Variants in ARL5C observed in about 807,000 individuals in gnomAD.
The protein encoded by ARL5C is ARF like GTPase 5C.
In ARL5C, 21 loss-of-function variants were observed where a neutral mutation model predicts 20.8. The ratio of observed to expected loss-of-function variants is 1.01; its 90% CI spans 0.72 to 1.46. The LOEUF is 1.46. ARL5C is among the 40% of genes most tolerant of loss of function. ARL5C has a pLI of 0.00. For missense variants in ARL5C, 199 were observed against 225.1 expected (o/e 0.88, Z 0.74); for synonymous variants, 71 against 81.6 (o/e 0.87, Z 0.70).
chr17:39,159,019 C>CTTTTTTTTTTTT (rs1395516312), intron 5 of ARL5C, among the ~76,000 whole-genome samples: 2 of 63,960 alleles, frequency 3.1e-5, no homozygotes, highest in African/African-American at 5.6e-5. Flanking sequence ...TCATTTATCA[C>CTTTTTTTTTTTT]TTGTTTTTTT....
intron 3 of ARL5C, among the ~76,000 whole-genome samples, chr17:39,162,295 T>C (rs71369722): frequency 0.044 from 6,735 of 152,236 alleles, 166 homozygotes; most frequent in Middle Eastern, 0.061. Context: ...ATTATATATA[T>C]GTATATATAA....
Position 39,160,702 on chromosome 17 carries a change from T to C in ARL5C, c.380A>G (p.Gln127Arg). ...CATCCTCATGGAGTCCTTCACGTCCTGCTTATTGGCAAATATCAGGACTGA... is the reference window on the plus strand; with the variant it reads ...CATCCTCATGGAGTCCTTCACGTCCCGCTTATTGGCAAATATCAGGACTGA... Reference protein sequence around the residue: ...DASVLIFANKQDVKDSMRMVE... With the variant: ...DASVLIFANKRDVKDSMRMVE... Residue 127 changes from glutamine (Q) to arginine (R), a missense_variant, in exon 5 of 6, where the codon CAG becomes CGG. Physicochemically the swap from Gln to Arg is conservative, Grantham distance 43. Coordinates refer to ENST00000269586, the MANE Select transcript of ARL5C (RefSeq NM_001143968.1). 6.4e-7 allele frequency: 1 copy of C among 1,551,878 alleles called. No homozygotes were observed. Among genetic ancestry groups the C allele is most frequent in the East Asian group, 2.4e-5 (1 of 41,062 alleles).
At chr17:39,161,161 C>T in intron 4 of ARL5C, 107 bp downstream of exon 4, 1 of 1,060,538 alleles carries the variant, frequency 9.4e-7, no homozygotes, top group Non-Finnish European at 1.4e-6. Context: ...GGTATAGAGG[C>T]TCTCAGAAAC....
At chr17:39,157,447 T>A (rs752229819) in intron 5 of ARL5C, among the ~76,000 whole-genome samples, 95 of 152,260 alleles carry the variant, frequency 6.2e-4, no homozygotes, top group Non-Finnish European at 9.4e-4. Flanking sequence ...CTCTGTATCA[T>A]CCTCAGCCTT....
chr17:39,157,060 C>T, intron 5 of ARL5C, 118 bp from the exon 6 acceptor site: 1 of 1,108,188 alleles, frequency 9.0e-7, no homozygotes, highest in Non-Finnish European at 1.3e-6. Context: ...TCCAATAATT[C>T]AATTAACAGA....
Position 39,161,327 on chromosome 17 carries a change from T to C in ARL5C, c.280A>G (p.Thr94Ala). The stretch of plus-strand genomic sequence containing the variant: ...GTGGTCAGCAGCCGATCCCGGTCCG[T>C]GCTGTCAATCACAAGGATGATAAAC... ...TEFIILVIDS[T>A]DRDRLLTTRE... is the part of the protein sequence containing the mutation. The change falls in exon 4 of 6, where the codon ACG (threonine) becomes GCG (alanine). Residue 94 changes from threonine to alanine, a missense_variant. Coordinates refer to ENST00000269586, the MANE Select transcript of ARL5C (RefSeq NM_001143968.1). 1 of 1,551,928 alleles carries C rather than the reference T, an allele frequency of 6.4e-7. No homozygotes were observed. The highest frequency in any genetic ancestry group is 1.2e-5 in the South Asian group (1 of 84,054).
At chr17:39,163,575 A>G (rs2144048550) in intron 2 of ARL5C, among the ~76,000 whole-genome samples, 1 of 151,624 alleles carries the variant, frequency 6.6e-6, no homozygotes, top group South Asian at 2.1e-4. Context: ...GTATTTTTGT[A>G]GAAACGGGGT....
chr17:39,157,036 G>C (rs2045409089), intron 5 of ARL5C, 94 bp from the exon 6 acceptor site: 1 of 1,354,846 alleles, frequency 7.4e-7, no homozygotes, highest in Non-Finnish European at 1.0e-6. Context: ...CTGGGTGCAG[G>C]AACCAAAGTT....
Position 39,165,708 on chromosome 17 carries a change from C to G in ARL5C, c.46+7G>C. The G allele has an allele frequency of 4.5e-6, 7 of 1,551,814 alleles. No homozygotes were observed. The highest frequency in any genetic ancestry group is 6.1e-6 in the Non-Finnish European group (7 of 1,146,978). The stretch of plus-strand genomic sequence containing the variant: ...GCGCTCGCTTGGATGCCCTGTGCGC[C>G]CCTTACCCTGGTTCCCGAAGATGCT... On this transcript the variant is annotated splice_region_variant and intron_variant, in intron 1 of 5. Transcript: ENST00000269586.
chr17:39,165,370 G>C (rs1300734496), intron 1 of ARL5C: 13 of 594,962 alleles, frequency 2.2e-5, no homozygotes, highest in Non-Finnish European at 3.9e-5. Context: ...TGTCTGAAAG[G>C]CCCGGGGCGC....
At chr17:39,163,284 G>A (rs1370232896) in intron 2 of ARL5C, among the ~76,000 whole-genome samples, 3 of 151,960 alleles carry the variant, frequency 2.0e-5, no homozygotes, top group African/African-American at 7.3e-5. Context: ...TGAATGACCT[G>A]AGAGTTTTGT....
intron 5 of ARL5C, among the ~76,000 whole-genome samples, chr17:39,159,676 GA>G (rs1357443486): frequency 6.6e-6 from 1 of 152,186 alleles, no homozygotes; most frequent in Non-Finnish European, 1.5e-5. Flanking sequence ...TGAGGGCAGG[GA>G]TTTTTGTCTG....
chr17:39,159,022 GTTTTTTTTTTTT>G (rs869126572), intron 5 of ARL5C, among the ~76,000 whole-genome samples: 2 of 52,456 alleles, frequency 3.8e-5, no homozygotes, highest in Non-Finnish European at 7.0e-5. Context: ...TTTATCACTT[GTTTTTTTTTTTT>G]TTTTTTTTTT....
intron 2 of ARL5C, among the ~76,000 whole-genome samples, chr17:39,163,701 CTTTT>C (rs59010635): frequency 0.024 from 3,210 of 131,056 alleles, 153 homozygotes; most frequent in African/African-American, 0.087. Flanking sequence ...CACAGTTTTG[CTTTT>C]TTTTTTTTTT....
intron 1 of ARL5C, chr17:39,165,352 C>T (rs16525): frequency 0.24 from 143,332 of 602,404 alleles, 21,839 homozygotes; most frequent in African/African-American, 0.62. Flanking sequence ...CTTCACATTC[C>T]AGAAAAGTGT....
At chr17:39,164,596 G>A (rs1320496141) in intron 2 of ARL5C, among the ~76,000 whole-genome samples, 1 of 152,120 alleles carries the variant, frequency 6.6e-6, no homozygotes, top group Non-Finnish European at 1.5e-5. Flanking sequence ...TAAAATGGGA[G>A]AGGTGCCATC....
chr17:39,160,064 GGC>G (rs2045426525), intron 5 of ARL5C: 1 of 154,174 alleles, frequency 6.5e-6, no homozygotes, highest in Non-Finnish European at 1.4e-5. Flanking sequence ...CAGGTGCAGT[GGC>G]TCATGCCTGT....
chr17:39,165,110 T>A lies in ARL5C; in HGVS notation c.76A>T (p.Asn26Tyr), dbSNP rs1392846001. Residue 26 changes from asparagine (N) to tyrosine (Y), a missense_variant, in exon 2 of 6, where the codon AAT (asparagine) becomes TAT (tyrosine). Transcript: ENST00000269586. ...TAGAGAATGGTGGTCTTTCCTTCAT[T>A]GTCCAGTCCCACGATGATGACCGTG... ...EHTVIIVGLD[N>Y]EGKTTILYRF... 6.4e-7 allele frequency: 1 copy of A among 1,551,678 alleles called. No homozygotes were observed.
intron 5 of ARL5C, 118 bp from the exon 6 acceptor site, chr17:39,157,060 C>A: frequency 9.0e-7 from 1 of 1,108,188 alleles, no homozygotes; most frequent in Non-Finnish European, 1.3e-6. Flanking sequence ...TCCAATAATT[C>A]AATTAACAGA....
Sources: allele counts gnomAD v4.1 joint callset (sites outside exome capture counted in the v4.1 genomes callset), GRCh38; gene constraint gnomAD v4.1.1; transcripts MANE v1.5; gene names NCBI Gene and HGNC (gene_info 2026-07-23, HGNC 2026-07-21).